Variants in NF2 observed in about 807,000 individuals in gnomAD.
NF2 encodes the protein NF2, moesin-ezrin-radixin like (MERLIN) tumor suppressor.
A neutral mutation model predicts 83.7 loss-of-function variants in NF2; 8 were observed. That is an observed-to-expected ratio of 0.10 (90% CI 0.06 to 0.17). The LOEUF (loss-of-function observed/expected upper bound fraction) is 0.17. Among genes scored for constraint, NF2 ranks in the 10% least tolerant of loss-of-function variants. NF2 has a pLI of 1.00. For synonymous variants in NF2, 266 were observed against 269.6 expected, an observed-to-expected ratio of 0.99 and a Z score of 0.13; for missense variants, 533 against 744.4, an observed-to-expected ratio of 0.72 and a Z score of 3.31.
At chr22:29,642,076 C>G (rs144195997) in intron 3 of NF2, 126 bp from the exon 4 acceptor site, 7 of 781,678 alleles carry the variant, frequency 9.0e-6, no homozygotes, top group African/African-American at 6.9e-5. Context: ...TACCCTTTGT[C>G]AGAAAATTAT....
chr22:29,683,124 C>G, intron 15 of NF2: 1 of 1,614,110 alleles, frequency 6.2e-7, no homozygotes, highest in Non-Finnish European at 8.5e-7. Flanking sequence ...GATACTAACC[C>G]GTGCATGAGC....
chr22:29,681,630 C>G, intron 15 of NF2, 29 bp downstream of exon 15: 1 of 1,613,184 alleles, frequency 6.2e-7, no homozygotes, highest in Non-Finnish European at 8.5e-7. Context: ...TTGTATTTTG[C>G]TGATCAGGAC....
At chr22:29,616,399 A>G (rs2146734087) in intron 1 of NF2, among the ~76,000 whole-genome samples, 1 of 152,358 alleles carries the variant, frequency 6.6e-6, no homozygotes, top group South Asian at 2.1e-4. Flanking sequence ...AGAAAACTTT[A>G]TGGACACAGA....
chr22:29,635,330 T>C (rs1265090658), intron 1 of NF2, among the ~76,000 whole-genome samples: 2 of 152,226 alleles, frequency 1.3e-5, no homozygotes, highest in East Asian at 3.9e-4. Context: ...AACCCTAAGA[T>C]TTTTTGTTTG....
In NF2 at chr22:29,681,426, C is replaced by G; in HGVS notation, c.1575-13C>G. 6.2e-7 allele frequency: 1 copy of G among 1,613,638 alleles called. No individual in the cohort carries two copies. The highest frequency in any genetic ancestry group is 8.5e-7 in the Non-Finnish European group (1 of 1,179,750). On this transcript the variant is annotated splice_polypyrimidine_tract_variant and intron_variant, in intron 14 of 15. Transcript: ENST00000338641. ...TGCCCAAGCCCTGATGCATGATACC[C>G]TCTTGCCGGCAGAGTGGAATACATG...
intron 15 of NF2, among the ~76,000 whole-genome samples, chr22:29,689,558 A>G (rs73159085): frequency 2.0e-5 from 3 of 152,188 alleles, no homozygotes; most frequent in Non-Finnish European, 4.4e-5. Context: ...TTAGGTTAGT[A>G]TCTAAAATGG....
At chr22:29,641,117 G>C (rs1357992112) in intron 3 of NF2, among the ~76,000 whole-genome samples, 2 of 152,196 alleles carry the variant, frequency 1.3e-5, no homozygotes, top group East Asian at 1.9e-4. Context: ...TGGGCAACCA[G>C]AGTGAAACTC....
chr22:29,604,617 A>C (rs1292340708), intron 1 of NF2, among the ~76,000 whole-genome samples: 1 of 152,214 alleles, frequency 6.6e-6, no homozygotes, highest in East Asian at 1.9e-4. Flanking sequence ...GTATTTTCAA[A>C]GTGCTAGACA....
chr22:29,648,022 T>C (rs145089032), intron 4 of NF2, among the ~76,000 whole-genome samples: 2,568 of 152,090 alleles, frequency 0.017, 80 homozygotes, highest in African/African-American at 0.06. Flanking sequence ...TCCCAGCTAC[T>C]TGGGAGACTG....
chr22:29,683,289 G>A (rs936831183), intron 15 of NF2: 189 of 1,450,684 alleles, frequency 1.3e-4, no homozygotes, highest in Non-Finnish European at 1.7e-4. Flanking sequence ...GTTCCGAAGA[G>A]CATGTCATGG....
chr22:29,693,757 A>T (rs1287487510), intron 15 of NF2, among the ~76,000 whole-genome samples: 1 of 152,154 alleles, frequency 6.6e-6, no homozygotes, highest in Non-Finnish European at 1.5e-5. Flanking sequence ...CTTAACAAAC[A>T]TTGAGCTCCT....
intron 1 of NF2, among the ~76,000 whole-genome samples, chr22:29,622,283 A>G (rs1215004429): frequency 1.3e-5 from 2 of 152,200 alleles, no homozygotes; most frequent in Admixed American, 6.5e-5. Flanking sequence ...TCCGTGCTAC[A>G]TTACCTCAGT....
chr22:29,676,447 A>T (rs1194374221), intron 13 of NF2, among the ~76,000 whole-genome samples: 1 of 152,192 alleles, frequency 6.6e-6, no homozygotes, highest in East Asian at 1.9e-4. Flanking sequence ...AAGTGCTGGG[A>T]TTATAGGCAT....
At chr22:29,661,528 C>G (rs2066478125) in intron 8 of NF2, among the ~76,000 whole-genome samples, 189 bp downstream of exon 8, 1 of 152,226 alleles carries the variant, frequency 6.6e-6, no homozygotes, top group African/African-American at 2.4e-5. Context: ...CCCACTATGA[C>G]TAATAGGAAA....
At chr22:29,653,058 T>C (rs1456876596) in intron 4 of NF2, among the ~76,000 whole-genome samples, 1 of 152,190 alleles carries the variant, frequency 6.6e-6, no homozygotes, top group Non-Finnish European at 1.5e-5. Context: ...GTCCTAGGAT[T>C]ACAGGCATGA....
In NF2 at chr22:29,603,828, G is replaced by T. The variant is rs1333389416; in HGVS notation, c.-171G>T. ...CCAACTCCCCTTTCCGCTCAGGCAG[G>T]GTCCTCGCGGCCCATGCTGGCCGCT... On this transcript the variant is annotated 5_prime_UTR_variant, in exon 1 of 16. Coordinates refer to ENST00000338641, the MANE Select transcript of NF2 (RefSeq NM_000268.4). 1.7e-6 allele frequency: 1 copy of T among 591,208 alleles called. No individual in the cohort carries two copies. The highest frequency in any genetic ancestry group is 2.0e-5 in the South Asian group (1 of 49,102). The allele number at this position is 591,208 out of a possible 1,614,324, so 36.6% of individuals were successfully genotyped here. A position where few individuals can be genotyped will look rare whatever the true frequency, so the allele number is the denominator to read the frequency against.
At chr22:29,665,191 T>A in intron 9 of NF2, 127 bp downstream of exon 9, 1 of 795,282 alleles carries the variant, frequency 1.3e-6, no homozygotes, top group Non-Finnish European at 2.1e-6. Flanking sequence ...GGCGCATACT[T>A]TCTGTTTAGC....
intron 1 of NF2, among the ~76,000 whole-genome samples, chr22:29,605,554 C>T (rs2064769415): frequency 6.6e-6 from 1 of 152,184 alleles, no homozygotes; most frequent in Admixed American, 6.6e-5. Context: ...AAGCAATCCA[C>T]TCGCCTTGGC....
chr22:29,644,325 C>G (rs370828766), intron 4 of NF2, among the ~76,000 whole-genome samples: 1 of 144,992 alleles, frequency 6.9e-6, no homozygotes, highest in Non-Finnish European at 1.5e-5. Flanking sequence ...AGACGATGGG[C>G]GGCCGGGCAG....
Sources: gnomAD v4.1 joint callset for allele counts (sites outside exome capture counted in the v4.1 genomes callset) on GRCh38, gnomAD v4.1.1 for gene constraint, MANE v1.5 for transcripts, NCBI Gene and HGNC (gene_info 2026-07-23, HGNC 2026-07-21) for gene names.